Variants in ITPR1 observed in about 807,000 individuals in gnomAD.
ITPR1 encodes the protein inositol 1,4,5-trisphosphate-gated calcium channel ITPR1.
ITPR1 carries 96 observed loss-of-function variants against 318.4 expected under a neutral mutation model. The ratio of observed to expected loss-of-function variants is 0.30; its 90% CI spans 0.26 to 0.36. The LOEUF (loss-of-function observed/expected upper bound fraction) is 0.36, where lower values mean the gene tolerates loss of function less well. ITPR1 is among the 10% of genes least tolerant of loss of function. The pLI is 1.00. For synonymous variants in ITPR1, 1,312 were observed against 1,289.9 expected (o/e 1.02, Z -0.37); for missense variants, 2,440 against 3,460.2 (o/e 0.71, Z 7.40).
intron 60 of ITPR1, among the ~76,000 whole-genome samples, chr3:4,829,473 GA>G (rs1028678988): frequency 7.3e-5 from 11 of 151,392 alleles, no homozygotes; most frequent in African/African-American, 2.2e-4. Flanking sequence ...GATAGAAGAA[GA>G]AAAAAAATTA....
intron 4 of ITPR1, among the ~76,000 whole-genome samples, chr3:4,570,768 G>T (rs1209787006): frequency 6.6e-6 from 1 of 152,194 alleles, no homozygotes; most frequent in Non-Finnish European, 1.5e-5. Context: ...TTGTCCCCAC[G>T]TATCAGTGGT....
chr3:4,802,979 G>A (rs1261777256), intron 54 of ITPR1, among the ~76,000 whole-genome samples: 1 of 152,184 alleles, frequency 6.6e-6, no homozygotes, highest in African/African-American at 2.4e-5. Context: ...TAAAATGCCT[G>A]AGACTCGGTA....
chr3:4,713,992 C>T (rs933459619), intron 39 of ITPR1, among the ~76,000 whole-genome samples: 4 of 152,184 alleles, frequency 2.6e-5, no homozygotes, highest in African/African-American at 9.7e-5. Flanking sequence ...CCAGGAAATG[C>T]TACTTAGCCA....
chr3:4,692,284 C>T (rs752639376), intron 32 of ITPR1, among the ~76,000 whole-genome samples: 50 of 150,584 alleles, frequency 3.3e-4, no homozygotes, highest in Non-Finnish European at 6.4e-4. Context: ...TGAAGATACG[C>T]AGATTTCACT....
chr3:4,765,092 G>A, intron 44 of ITPR1, among the ~76,000 whole-genome samples: 2 of 133,644 alleles, frequency 1.5e-5, no homozygotes, highest in South Asian at 2.5e-4. Flanking sequence ...AAGAAACGAG[G>A]CAGTAAAAGG....
Position 4,846,302 on chromosome 3 carries a change from C to A in ITPR1, c.*77C>A. The A allele has an allele frequency of 4.3e-6, 4 of 935,524 alleles. No individual in the cohort carries two copies. The highest frequency in any genetic ancestry group is 2.2e-5 in the Admixed American group (1 of 45,538). The allele number at this position is 935,524 out of a possible 1,614,324, so 58.0% of individuals were successfully genotyped here. On this transcript the variant is annotated 3_prime_UTR_variant, in exon 62 of 62. Coordinates refer to ENST00000649015, the MANE Select transcript of ITPR1 (RefSeq NM_001378452.1). ...GGTATGGCTAATGAGTTCTGATTCA[C>A]CCACGAAGGTTACATTTATGCTGAA... is the stretch of plus-strand genomic sequence containing the variant.
intron 51 of ITPR1, among the ~76,000 whole-genome samples, chr3:4,784,435 G>A (rs1409517783): frequency 6.6e-6 from 1 of 152,150 alleles, no homozygotes; most frequent in Non-Finnish European, 1.5e-5. Context: ...CGAAGGGAAA[G>A]GCAGGCAGCC....
chr3:4,508,939 G>A (rs192193044), intron 2 of ITPR1, among the ~76,000 whole-genome samples: 20 of 152,338 alleles, frequency 1.3e-4, no homozygotes, highest in Non-Finnish European at 2.9e-5. Flanking sequence ...TGTTTCTCCA[G>A]ATGTATTTCC....
intron 4 of ITPR1, among the ~76,000 whole-genome samples, chr3:4,533,787 T>C (rs989961806): frequency 1.3e-5 from 2 of 152,222 alleles, no homozygotes; most frequent in African/African-American, 4.8e-5. Flanking sequence ...TCAGGGCTTT[T>C]CTCTCCTCGC....
chr3:4,504,684 C>T (rs957140323), intron 2 of ITPR1, among the ~76,000 whole-genome samples: 4 of 152,140 alleles, frequency 2.6e-5, no homozygotes, highest in Admixed American at 6.5e-5. Context: ...AAGATGATAT[C>T]GCCAAGCATC....
chr3:4,661,481 T>C (rs1055937920), intron 14 of ITPR1, among the ~76,000 whole-genome samples: 1 of 152,220 alleles, frequency 6.6e-6, no homozygotes, highest in African/African-American at 2.4e-5. Context: ...ATATACACTT[T>C]TATTTCATGA....
chr3:4,684,129 A>T lies in ITPR1; in HGVS notation c.3499-152A>T, dbSNP rs181147156. 3.5e-4 allele frequency among the ~76,000 whole-genome samples: 53 copies of T among 152,358 alleles called. 1 individual carries two copies. In the South Asian group the frequency reaches 7.7e-3, roughly 22 times the overall value. On this transcript the variant is annotated intron_variant, in intron 28 of 61. Coordinates refer to ENST00000649015, the MANE Select transcript of ITPR1 (RefSeq NM_001378452.1). ...ATCCCTTCCCAAGGAAACCCATAGC[A>T]AGTAGGTAGATGACTGGGGCATAAG...
At chr3:4,549,751 C>T (rs2085371950) in intron 4 of ITPR1, among the ~76,000 whole-genome samples, 2 of 152,140 alleles carry the variant, frequency 1.3e-5, no homozygotes, top group African/African-American at 4.8e-5. Context: ...AGACCTATAA[C>T]TTGGAGTGCT....
intron 14 of ITPR1, among the ~76,000 whole-genome samples, chr3:4,661,503 A>G (rs960750334): frequency 6.6e-6 from 1 of 152,114 alleles, no homozygotes; most frequent in African/African-American, 2.4e-5. Flanking sequence ...TGTTCTCTCC[A>G]GCCCCTTTAC....
At chr3:4,783,346 C>T (rs1308816207) in intron 50 of ITPR1, among the ~76,000 whole-genome samples, 3 of 152,088 alleles carry the variant, frequency 2.0e-5, no homozygotes, top group Non-Finnish European at 2.9e-5. Context: ...TTTCCTGTCC[C>T]GTCCACCTCT....
At chr3:4,543,805 G>T (rs2084702615) in intron 4 of ITPR1, among the ~76,000 whole-genome samples, 1 of 152,174 alleles carries the variant, frequency 6.6e-6, no homozygotes, top group Admixed American at 6.5e-5. Context: ...CCTAATAGTG[G>T]CTTAAAACAT....
chr3:4,541,327 T>C (rs2084417674), intron 4 of ITPR1, among the ~76,000 whole-genome samples: 1 of 151,828 alleles, frequency 6.6e-6, no homozygotes, highest in Non-Finnish European at 1.5e-5. Context: ...CTGAAAATTT[T>C]ACTTTTATTT....
intron 40 of ITPR1, among the ~76,000 whole-genome samples, chr3:4,721,170 G>GTATATATATATATA (rs1204537563): frequency 7.4e-5 from 1 of 13,564 alleles, no homozygotes; most frequent in African/African-American, 2.9e-4. Context: ...GTGTGTGTGC[G>GTATATATATATATA]TGTATATATA....
At chr3:4,790,041 G>C (rs1003727211) in intron 52 of ITPR1, among the ~76,000 whole-genome samples, 1 of 152,142 alleles carries the variant, frequency 6.6e-6, no homozygotes. Flanking sequence ...TCTATAAATT[G>C]TTTTATGAAA....
Sources: gnomAD v4.1 joint callset for allele counts (sites outside exome capture counted in the v4.1 genomes callset) on GRCh38, gnomAD v4.1.1 for gene constraint, MANE v1.5 for transcripts, NCBI Gene and HGNC (gene_info 2026-07-23, HGNC 2026-07-21) for gene names.